The following MBP variants were observed in gnomAD, a reference collection of about 807,000 sequenced individuals.
MBP encodes the protein myelin basic protein.
A neutral mutation model predicts 35.8 loss-of-function variants in MBP; 16 were observed. The ratio of observed to expected loss-of-function variants is 0.45; its 90% CI spans 0.30 to 0.68. The LOEUF is 0.68. MBP is among the 30% of genes least tolerant of loss of function. The probability of loss-of-function intolerance (pLI) is 0.08; values close to 1 mark genes in which losing one functional copy is unlikely to be tolerated. For synonymous variants in MBP, 143 were observed against 159.6 expected (o/e 0.90, Z 0.78); for missense variants, 380 against 404.7 (o/e 0.94, Z 0.52).
intron 8 of MBP, chr18:76,984,490 C>T: frequency 2.5e-6 from 1 of 393,952 alleles, no homozygotes; most frequent in East Asian, 5.4e-5. Context: ...TCCAGCTGGG[C>T]CCTGCCCCAG....
At chr18:77,043,694 T>A (rs1973104141) in intron 3 of MBP, among the ~76,000 whole-genome samples, 1 of 152,212 alleles carries the variant, frequency 6.6e-6, no homozygotes, top group South Asian at 2.1e-4. Context: ...CTTGCGTGCG[T>A]GCCCCGCACC....
chr18:77,120,605 G>A (rs563078347), intron 1 of MBP, among the ~76,000 whole-genome samples: 3 of 152,324 alleles, frequency 2.0e-5, no homozygotes, highest in East Asian at 3.9e-4. Context: ...TTTACAAAAC[G>A]CATTGTTAGT....
chr18:77,112,315 C>G (rs1329219883), intron 1 of MBP, among the ~76,000 whole-genome samples: 1 of 152,228 alleles, frequency 6.6e-6, no homozygotes, highest in Non-Finnish European at 1.5e-5. Context: ...CACACTCCTT[C>G]CGTCATCCCG....
chr18:77,048,425 A>C (rs973228194), intron 3 of MBP, among the ~76,000 whole-genome samples: 3 of 152,244 alleles, frequency 2.0e-5, no homozygotes, highest in African/African-American at 7.2e-5. Flanking sequence ...TTCTATTGGC[A>C]TCTGACTTTA....
rs149222131 is a variant in MBP at position 77,044,249 on chromosome 18, G to A, written c.139+22049C>T. 7.2e-3 allele frequency among the ~76,000 whole-genome samples: 1,099 copies of A among 152,224 alleles called. 8 individuals carry two copies. Among genetic ancestry groups the A allele is most frequent in the African/African-American group, 0.025 (1,034 of 41,512 alleles). On this transcript the variant is annotated intron_variant, in intron 3 of 8. Coordinates refer to ENST00000355994, the MANE Select transcript of MBP (RefSeq NM_001025101.2). This position sits in a 1 kb window ranked among gnomAD's most constrained non-coding sequence, Gnocchi z 4.4. The stretch of plus-strand genomic sequence containing the variant: ...TACTCCATGTCCCCCTGTGGATGCT[G>A]CAATGCCCAGCACCACACTGGTGGC...
chr18:77,041,412 G>A (rs917306249), intron 3 of MBP, among the ~76,000 whole-genome samples: 1 of 152,120 alleles, frequency 6.6e-6, no homozygotes, highest in African/African-American at 2.4e-5. Context: ...ATTTGACCCA[G>A]CCATCCCATT....
intron 1 of MBP, among the ~76,000 whole-genome samples, chr18:77,125,700 G>A (rs1450190): frequency 0.51 from 76,797 of 151,892 alleles, 19,890 homozygotes; most frequent in African/African-American, 0.6. Flanking sequence ...AAATCATAGC[G>A]TAAATCTATA....
chr18:77,014,374 G>C (rs1971510250), intron 4 of MBP: 4 of 985,468 alleles, frequency 4.1e-6, no homozygotes, highest in Non-Finnish European at 4.8e-6. Flanking sequence ...GCTCCACTCA[G>C]AGTCTGGCAG....
intron 1 of MBP, among the ~76,000 whole-genome samples, chr18:77,115,902 G>A (rs1247917823): frequency 6.6e-6 from 1 of 152,044 alleles, no homozygotes; most frequent in Non-Finnish European, 1.5e-5. Flanking sequence ...AGAAGGCAAT[G>A]TGTGGTCATT....
chr18:77,017,341 G>T, intron 3 of MBP, 73 bp from the exon 4 acceptor site: 1 of 1,398,896 alleles, frequency 7.1e-7, no homozygotes, highest in South Asian at 1.7e-5. Context: ...TTTCTCTGAG[G>T]GGTCTTGACC....
chr18:77,004,618 T>C (rs1233157780), intron 4 of MBP: 1 of 152,198 alleles, frequency 6.6e-6, no homozygotes, highest in Non-Finnish European at 1.5e-5. Context: ...AGCCTTTCGT[T>C]CTGATGCAGA....
chr18:77,030,501 A>G, intron 3 of MBP, among the ~76,000 whole-genome samples: 1 of 152,214 alleles, frequency 6.6e-6, no homozygotes, highest in Non-Finnish European at 1.5e-5. Context: ...CGGTACATGG[A>G]ACAATTTTCT....
chr18:77,083,946 G>T (rs1280271807), intron 2 of MBP, among the ~76,000 whole-genome samples: 4 of 152,096 alleles, frequency 2.6e-5, no homozygotes, highest in Non-Finnish European at 5.9e-5. Context: ...CAGTAAACAA[G>T]ACTGCATTGT....
chr18:77,105,018 TTAA>T (rs1355337638), intron 2 of MBP, among the ~76,000 whole-genome samples, 190 bp downstream of exon 2: 1 of 146,980 alleles, frequency 6.8e-6, no homozygotes, highest in Non-Finnish European at 1.5e-5. Flanking sequence ...CCTGAATAAA[TTAA>T]TAATTAATAA....
At chr18:77,026,263 G>A (rs745765370) in intron 3 of MBP, among the ~76,000 whole-genome samples, 3 of 152,252 alleles carry the variant, frequency 2.0e-5, no homozygotes, top group Non-Finnish European at 4.4e-5. Flanking sequence ...GAGCGCGGGC[G>A]TTCTGAGGCT....
intron 3 of MBP, among the ~76,000 whole-genome samples, chr18:77,029,963 A>G (rs1326892727): frequency 1.3e-5 from 2 of 152,168 alleles, no homozygotes; most frequent in Non-Finnish European, 2.9e-5. Flanking sequence ...GGGAACCTAG[A>G]CACAATCTTA....
In MBP at chr18:77,057,824, GT is replaced by G. The variant is rs780881071; in HGVS notation, c.139+8473del. Among the ~76,000 whole-genome samples, 4 of 9,192 alleles carry G rather than the reference GT, an allele frequency of 4.4e-4. 1 individual carries two copies. Among genetic ancestry groups the G allele is most frequent in the Non-Finnish European group, 4.5e-4 (3 of 6,702 alleles). 6.0% of individuals were successfully genotyped at this position (9,192 alleles called of 152,430 possible). ...GGGACACCTGAGGAAGGCGGGGAGT[GT>G]TTTTTTTTTTTTTTTTTTTGAGACG... On this transcript the variant is annotated intron_variant, in intron 3 of 8. Transcript: ENST00000355994.
Position 77,028,245 on chromosome 18 carries a change from G to A in MBP, c.140-10977C>T, listed in dbSNP as rs1419508787. Among the ~76,000 whole-genome samples the A allele has an allele frequency of 2.8e-4, 38 of 135,330 alleles. No homozygotes were observed. The South Asian group carries it at 5.7e-3, about 20-fold the overall frequency. 88.8% of individuals were successfully genotyped at this position (135,330 alleles called of 152,430 possible). The stretch of plus-strand genomic sequence containing the variant: ...TGTTTAACAAAGCACATCTTGCACC[G>A]CCCTTAATCCATTTAACCCTGAGTG... On this transcript the variant is annotated intron_variant, in intron 3 of 8. Transcript: ENST00000355994.
rs199911973 is a variant in MBP at position 76,988,711 on chromosome 18, G to A, written c.717+166C>T. The stretch of plus-strand genomic sequence containing the variant: ...CTGTGCAGGTGCGGGAGGGACAGGA[G>A]GGGTGCATGGATCTGCCGACCTGTT... On this transcript the variant is annotated intron_variant, in intron 6 of 8. Transcript: ENST00000355994. This position sits in a 1 kb window ranked among gnomAD's most constrained non-coding sequence, Gnocchi z 5.2. 32 of 1,334,810 alleles carry A rather than the reference G, an allele frequency of 2.4e-5. No individual in the cohort carries two copies. The East Asian group carries it at 7.1e-4, about 30-fold the overall frequency. The allele number at this position is 1,334,810 out of a possible 1,614,324, so 82.7% of individuals were successfully genotyped here.
Sources: gnomAD v4.1 joint callset for allele counts (sites outside exome capture counted in the v4.1 genomes callset) on GRCh38, gnomAD v4.1.1 for gene constraint, Gnocchi (gnomAD v3.1) non-coding constraint, MANE v1.5 for transcripts, NCBI Gene and HGNC (gene_info 2026-07-23, HGNC 2026-07-21) for gene names.